The following RPS29 variants were observed in gnomAD, a reference collection of about 807,000 sequenced individuals.
RPS29 encodes small ribosomal subunit protein uS14.
For synonymous variants in RPS29, 37 were observed against 26.9 expected, an observed-to-expected ratio of 1.37 and a Z score of -1.16; for missense variants, 60 against 75.7, an observed-to-expected ratio of 0.79 and a Z score of 0.77.
chr14:49,596,626 T>A (rs1274022070), intron 1 of RPS29, among the ~76,000 whole-genome samples: 1 of 152,146 alleles, frequency 6.6e-6, no homozygotes, highest in Non-Finnish European at 1.5e-5. Flanking sequence ...GACTGACAAT[T>A]AGGAAGATAC....
chr14:49,577,062 T>C, exon 3 of RPS29: 1 of 152,350 alleles, frequency 6.6e-6, no homozygotes, highest in Non-Finnish European at 1.5e-5. Flanking sequence ...GCCAAGAGGA[T>C]GAAACCCCAT....
upstream of RPS29, among the ~76,000 whole-genome samples, chr14:49,589,219 T>C (rs1368294049): frequency 6.6e-6 from 1 of 152,188 alleles, no homozygotes; most frequent in African/African-American, 2.4e-5. Flanking sequence ...AAATGCTTCT[T>C]CTTTTAGAAC....
chr14:49,584,138 T>C (rs946231356), intron 2 of RPS29, among the ~76,000 whole-genome samples: 2 of 152,192 alleles, frequency 1.3e-5, no homozygotes, highest in African/African-American at 2.4e-5. Flanking sequence ...CGGATCATCA[T>C]ACAAGGCTAA....
chr14:49,594,801 A>G (rs1881784759), intron 1 of RPS29, among the ~76,000 whole-genome samples: 1 of 152,152 alleles, frequency 6.6e-6, no homozygotes, highest in Admixed American at 6.5e-5. Flanking sequence ...ATTCTTTAGG[A>G]CTGCAGTAAT....
intron 1 of RPS29, among the ~76,000 whole-genome samples, chr14:49,593,989 T>C (rs1335805735): frequency 6.6e-6 from 1 of 152,216 alleles, no homozygotes; most frequent in Non-Finnish European, 1.5e-5. Context: ...TAACATTGAC[T>C]GTCTATGAGG....
intron 1 of RPS29, among the ~76,000 whole-genome samples, chr14:49,594,467 G>C (rs1299541952): frequency 1.3e-5 from 2 of 152,188 alleles, no homozygotes; most frequent in East Asian, 3.8e-4. Context: ...GCAGTGCTAA[G>C]AATGGAAAGG....
At chr14:49,585,731 AG>A in intron 2 of RPS29, 1 of 541,928 alleles carries the variant, frequency 1.8e-6, no homozygotes, top group East Asian at 2.9e-5. Context: ...AAAAGGGAGT[AG>A]GAAAGACTAA....
intron 1 of RPS29, among the ~76,000 whole-genome samples, chr14:49,595,327 T>C (rs1881799038): frequency 6.6e-6 from 1 of 152,146 alleles, no homozygotes; most frequent in Non-Finnish European, 1.5e-5. Flanking sequence ...GGCTCATACC[T>C]GTAATCCGAG....
chr14:49,585,932 AC>A lies in RPS29; in HGVS notation c.162+17del. The A allele has an allele frequency of 6.3e-7, 1 of 1,593,732 alleles. No homozygotes were observed. Among genetic ancestry groups the A allele is most frequent in the Non-Finnish European group, 8.6e-7 (1 of 1,162,038 alleles). ...CTTCTCTGCCCAAACAACATGGAGT[AC>A]GCCTGCAGACGCCTACCTTAATGAA... On this transcript the variant is annotated intron_variant, in intron 2 of 2. Coordinates refer to ENST00000245458, the MANE Select transcript of RPS29 (RefSeq NM_001032.5).
At chr14:49,598,359 G>A in intron 1 of RPS29, 1 of 649,530 alleles carries the variant, frequency 1.5e-6, no homozygotes, top group East Asian at 2.7e-5. Flanking sequence ...GTCTTTCCAC[G>A]TCTCAGGTGC....
upstream of RPS29, among the ~76,000 whole-genome samples, chr14:49,588,875 CCTTTT>C (rs1881650717): frequency 9.2e-6 from 1 of 108,408 alleles, no homozygotes; most frequent in Non-Finnish European, 2.0e-5. Flanking sequence ...GTTTCTGAGT[CCTTTT>C]TTTTTTTTTT....
upstream of RPS29, chr14:49,586,932 G>C (rs1281210744): frequency 6.5e-6 from 1 of 153,852 alleles, no homozygotes; most frequent in Non-Finnish European, 1.5e-5. Flanking sequence ...TATTCTCATA[G>C]TCTTTTTTAT....
downstream of RPS29, among the ~76,000 whole-genome samples, chr14:49,579,902 G>A (rs181167795): frequency 1.3e-5 from 2 of 152,260 alleles, no homozygotes; most frequent in East Asian, 3.9e-4. Context: ...AGACCTTGGG[G>A]AAATTACTTA....
chr14:49,575,718 G>A (rs1881162236), exon 3 of RPS29: 1 of 152,062 alleles, frequency 6.6e-6, no homozygotes, highest in Admixed American at 6.6e-5. Context: ...GGGCATTGTG[G>A]TGCACACTTA....
chr14:49,596,414 A>T (rs546088743), intron 1 of RPS29, among the ~76,000 whole-genome samples: 2 of 152,138 alleles, frequency 1.3e-5, no homozygotes, highest in Non-Finnish European at 2.9e-5. Flanking sequence ...TTTTATTTGT[A>T]TGGTGGTAAA....
downstream of RPS29, among the ~76,000 whole-genome samples, chr14:49,582,885 T>C (rs761247740): frequency 1.3e-5 from 2 of 152,236 alleles, no homozygotes; most frequent in Non-Finnish European, 2.9e-5. Flanking sequence ...TGAGTCCAAC[T>C]TGTACAACCC....
exon 3 of RPS29, chr14:49,576,346 T>A (rs984989418): frequency 1.3e-5 from 2 of 152,084 alleles, no homozygotes; most frequent in African/African-American, 4.8e-5. Context: ...CAAACCATCC[T>A]CCTGCCTCAG....
chr14:49,581,542 T>G (rs1307919329), downstream of RPS29, among the ~76,000 whole-genome samples: 1 of 152,136 alleles, frequency 6.6e-6, no homozygotes, highest in Admixed American at 6.5e-5. Context: ...TTGCCCAGAG[T>G]GCAGTGGCAC....
At chr14:49,598,294 C>T in intron 1 of RPS29, 1 of 605,226 alleles carries the variant, frequency 1.7e-6, no homozygotes, top group East Asian at 2.8e-5. Flanking sequence ...GGGCCCCGTC[C>T]TAGTTCAATC....
Sources: allele counts gnomAD v4.1 joint callset (sites outside exome capture counted in the v4.1 genomes callset), GRCh38; gene constraint gnomAD v4.1.1; transcripts MANE v1.5; gene names NCBI Gene and HGNC (gene_info 2026-07-23, HGNC 2026-07-21).